PADI2: variants seen among roughly 807,000 people sequenced by gnomAD.
The protein encoded by PADI2 is protein-arginine deiminase type-2.
A neutral mutation model predicts 81.1 loss-of-function variants in PADI2; 70 were observed. The observed-to-expected ratio is 0.86, with a 90% confidence interval of 0.71 to 1.05. PADI2 has a LOEUF of 1.05. Ranked by LOEUF, PADI2 falls within the 50% of genes least tolerant of loss-of-function variation. The pLI, the probability that PADI2 is intolerant of heterozygous loss-of-function variation, is 0.00. For synonymous variants in PADI2, 338 were observed against 358.0 expected (o/e 0.94, Z 0.63); for missense variants, 853 against 889.9 (o/e 0.96, Z 0.53).
chr1:17,090,572 G>A (rs868854398), intron 6 of PADI2, among the ~76,000 whole-genome samples: 5 of 97,284 alleles, frequency 5.1e-5, no homozygotes, highest in East Asian at 3.1e-4. Context: ...ATTATCTGTC[G>A]TCCTTTGCTT....
chr1:17,087,311 C>T (rs1038032620), intron 6 of PADI2, among the ~76,000 whole-genome samples: 7 of 152,128 alleles, frequency 4.6e-5, no homozygotes, highest in African/African-American at 1.4e-4. Context: ...TGAAAGCTCC[C>T]AGTTTGACTT....
chr1:17,071,039 A>G (rs1252598314), intron 14 of PADI2, among the ~76,000 whole-genome samples: 1 of 152,114 alleles, frequency 6.6e-6, no homozygotes, highest in African/African-American at 2.4e-5. Flanking sequence ...CCTGGCCTGA[A>G]GCAATCCTCC....
Position 17,105,044 on chromosome 1 carries a change from GC to G in PADI2, c.109del (p.Ala37ProfsTer6). On this transcript the variant is annotated frameshift_variant, in exon 2 of 16. Transcript: ENST00000375486. LOFTEE classifies it high-confidence loss of function. Reference protein sequence around the residue: ...TDVYSAAPAGAQTFSLKHSEH... With the variant: ...TDVYSAAPAGXQTFSLKHSEH... ...CGAGTGCTTCAGGCTGAAGGTTTGG[GC>G]CCCGGCTGGGGCCGCGCTGTGGGGA... The G allele has an allele frequency of 1.3e-6, 2 of 1,584,066 alleles. No homozygotes were observed. The highest frequency in any genetic ancestry group is 1.3e-5 in the African/African-American group (1 of 74,342).
chr1:17,081,967 G>C (rs1489233958), intron 10 of PADI2, among the ~76,000 whole-genome samples: 1 of 152,138 alleles, frequency 6.6e-6, no homozygotes, highest in Non-Finnish European at 1.5e-5. Context: ...ACAAAAATTA[G>C]CCAGGCATGA....
chr1:17,099,772 C>T (rs563723659), intron 3 of PADI2, among the ~76,000 whole-genome samples: 6 of 152,346 alleles, frequency 3.9e-5, no homozygotes, highest in Admixed American at 1.3e-4. Flanking sequence ...CCGGGCCCTT[C>T]GCACACAACA....
intron 14 of PADI2, among the ~76,000 whole-genome samples, chr1:17,071,181 AG>A (rs1246282694): frequency 1.3e-5 from 2 of 152,132 alleles, no homozygotes; most frequent in Non-Finnish European, 2.9e-5. Flanking sequence ...TCCCCAAGTG[AG>A]GGGGCGGCAC....
chr1:17,105,157 T>G, intron 1 of PADI2, 96 bp from the exon 2 acceptor site: 1 of 847,756 alleles, frequency 1.2e-6, no homozygotes, highest in Non-Finnish European at 1.7e-6. Flanking sequence ...CTTTGGGAGG[T>G]CAAAGCCCGA....
intron 15 of PADI2, 88 bp downstream of exon 15, chr1:17,070,000 C>G (rs924978296): frequency 2.3e-5 from 34 of 1,457,392 alleles, no homozygotes; most frequent in Admixed American, 2.1e-5. Flanking sequence ...CTGGGCCTCC[C>G]CATTGGACAG....
intron 6 of PADI2, among the ~76,000 whole-genome samples, chr1:17,087,880 G>A (rs943756785): frequency 3.9e-5 from 6 of 152,192 alleles, no homozygotes; most frequent in Admixed American, 1.3e-4. Context: ...GGGCCTGCCC[G>A]GCACATGGTC....
chr1:17,108,573 G>A (rs923488256), intron 1 of PADI2, among the ~76,000 whole-genome samples: 1 of 151,910 alleles, frequency 6.6e-6, no homozygotes, highest in African/African-American at 2.4e-5. Flanking sequence ...CACAGGGCTT[G>A]GCCCATCATA....
intron 11 of PADI2, among the ~76,000 whole-genome samples, chr1:17,077,945 A>G (rs2078316279): frequency 6.6e-6 from 1 of 152,134 alleles, no homozygotes; most frequent in African/African-American, 2.4e-5. Flanking sequence ...TGGACAGGCC[A>G]GGGAGCCAGG....
Position 17,119,100 on chromosome 1 carries a change from G to C in PADI2, c.92+180C>G, listed in dbSNP as rs914897195. ...AGAGTCTCAGGGTTTCTGGAAGGTG[G>C]ACACAAGGTTCGGGGGTTGTCAGGT... On this transcript the variant is annotated intron_variant, in intron 1 of 15. Transcript: ENST00000375486. This position sits in a 1 kb window ranked among gnomAD's most constrained non-coding sequence, Gnocchi z 4.8. Among the ~76,000 whole-genome samples, 5 of 152,098 alleles carry C rather than the reference G, an allele frequency of 3.3e-5. No individual in the cohort carries two copies. Among genetic ancestry groups the C allele is most frequent in the Admixed American group, 1.3e-4 (2 of 15,280 alleles).
intron 1 of PADI2, among the ~76,000 whole-genome samples, chr1:17,111,718 GA>G (rs1324494340): frequency 6.6e-6 from 1 of 152,208 alleles, no homozygotes; most frequent in Non-Finnish European, 1.5e-5. Flanking sequence ...GGTGGGACCT[GA>G]GAAACTGCAT....
rs945144437 is a variant in PADI2 at position 17,068,589 on chromosome 1, T to A, written c.*455A>T. Reference sequence around the variant, plus strand: ...GATGTATTTGAAATGACGATGGCAGTTCAAGATACGTCTAGGGTCCCGGGG... The same window carrying A: ...GATGTATTTGAAATGACGATGGCAGATCAAGATACGTCTAGGGTCCCGGGG... On this transcript the variant is annotated 3_prime_UTR_variant, in exon 16 of 16. Transcript: ENST00000375486. The A allele has an allele frequency of 1.1e-5, 2 of 176,076 alleles. No homozygotes were observed. Among genetic ancestry groups the A allele is most frequent in the African/African-American group, 2.4e-5 (1 of 41,854 alleles). 10.9% of individuals were successfully genotyped at this position (176,076 alleles called of 1,614,324 possible).
At chr1:17,095,786 G>A (rs1930901584) in intron 4 of PADI2, 123 bp downstream of exon 4, 2 of 701,226 alleles carry the variant, frequency 2.9e-6, no homozygotes, top group South Asian at 1.9e-5. Flanking sequence ...TATGCTGTGT[G>A]TCTGGGAGCC....
At chr1:17,096,607 G>T (rs111554146) in intron 3 of PADI2, among the ~76,000 whole-genome samples, 57 of 152,304 alleles carry the variant, frequency 3.7e-4, no homozygotes, top group African/African-American at 1.3e-3. Flanking sequence ...AGGATCCAGG[G>T]CCAGGCCCCC....
chr1:17,094,522 T>C (rs866247854), intron 4 of PADI2, among the ~76,000 whole-genome samples: 3 of 152,138 alleles, frequency 2.0e-5, no homozygotes, highest in African/African-American at 7.2e-5. Context: ...CCTGTACACA[T>C]CCTTTTTGGG....
At chr1:17,074,264 T>C (rs1416834299) in intron 13 of PADI2, among the ~76,000 whole-genome samples, 1 of 151,956 alleles carries the variant, frequency 6.6e-6, no homozygotes, top group African/African-American at 2.4e-5. Context: ...TAGTGGTGCC[T>C]GCCTGTAATC....
chr1:17,096,905 C>T (rs895177434), intron 3 of PADI2, among the ~76,000 whole-genome samples: 1 of 152,212 alleles, frequency 6.6e-6, no homozygotes, highest in Non-Finnish European at 1.5e-5. Flanking sequence ...TGTGTGGGGG[C>T]AGCCTGTGCA....
Sources: gnomAD v4.1 joint callset for allele counts (sites outside exome capture counted in the v4.1 genomes callset) on GRCh38, gnomAD v4.1.1 for gene constraint, Gnocchi (gnomAD v3.1) non-coding constraint, MANE v1.5 for transcripts, NCBI Gene and HGNC (gene_info 2026-07-23, HGNC 2026-07-21) for gene names.